RANBP9: variants seen among roughly 807,000 people sequenced by gnomAD.
RANBP9 encodes ran-binding protein 9.
Under a neutral mutation model 84.3 loss-of-function variants are expected in RANBP9, and 15 were observed. The ratio of observed to expected loss-of-function variants is 0.18; its 90% CI spans 0.12 to 0.27. The LOEUF (loss-of-function observed/expected upper bound fraction) is 0.27, where lower values mean the gene tolerates loss of function less well. Ranked by LOEUF, RANBP9 falls within the 10% of genes least tolerant of loss-of-function variation. The probability of loss-of-function intolerance (pLI) is 1.00; values close to 1 mark genes in which losing one functional copy is unlikely to be tolerated. For synonymous variants in RANBP9, 392 were observed against 349.6 expected, an observed-to-expected ratio of 1.12 and a Z score of -1.35; for missense variants, 809 against 912.8, an observed-to-expected ratio of 0.89 and a Z score of 1.46.
intron 2 of RANBP9, among the ~76,000 whole-genome samples, chr6:13,679,112 T>A (rs1241841734): frequency 1.3e-5 from 2 of 152,128 alleles, no homozygotes; most frequent in Non-Finnish European, 2.9e-5. Context: ...CAGCTACTTA[T>A]CTCTCTCTAC....
chr6:13,648,124 G>T (rs1314749870), intron 5 of RANBP9, among the ~76,000 whole-genome samples: 2 of 138,148 alleles, frequency 1.4e-5, no homozygotes, highest in Non-Finnish European at 3.1e-5. Flanking sequence ...AACAAAATAT[G>T]TGATCTTATA....
intron 2 of RANBP9, among the ~76,000 whole-genome samples, chr6:13,665,261 A>C (rs1354393541): frequency 1.3e-5 from 2 of 152,194 alleles, no homozygotes; most frequent in Non-Finnish European, 2.9e-5. Context: ...CTCATAAATA[A>C]AACTTTAGCA....
chr6:13,705,406 CAAAAAAAAAAAAAAAAA>C (rs774239782), intron 1 of RANBP9, among the ~76,000 whole-genome samples: 4 of 26,758 alleles, frequency 1.5e-4, no homozygotes, highest in South Asian at 2.1e-3. Flanking sequence ...GATTCTGTCT[CAAAAAAAAAAAAAAAAA>C]AAAAAAAAAA....
rs148862007 is a variant in RANBP9 at position 13,697,501 on chromosome 6, G to C, written c.572-605C>G. On this transcript the variant is annotated intron_variant, in intron 1 of 13. Coordinates refer to ENST00000011619, the MANE Select transcript of RANBP9 (RefSeq NM_005493.3). The stretch of plus-strand genomic sequence containing the variant: ...TGAGAAATACATCTAATTTCTAAAC[G>C]TATTTTTTTCTTTTTAAACAACAGA... 2.0e-5 allele frequency among the ~76,000 whole-genome samples: 3 copies of C among 152,110 alleles called. No individual in the cohort carries two copies. The South Asian group carries it at 6.2e-4, about 32-fold the overall frequency.
intron 2 of RANBP9, among the ~76,000 whole-genome samples, chr6:13,682,853 ACT>A (rs1232150604): frequency 6.6e-5 from 10 of 152,292 alleles, no homozygotes; most frequent in South Asian, 6.2e-4. Flanking sequence ...TGATTTGGAA[ACT>A]CTGCAACTCA....
chr6:13,639,961 C>G (rs577353293), intron 8 of RANBP9, among the ~76,000 whole-genome samples: 1 of 152,044 alleles, frequency 6.6e-6, no homozygotes, highest in South Asian at 2.1e-4. Flanking sequence ...GTAATAGACA[C>G]TATAATAATA....
At chr6:13,649,665 C>T (rs1367116435) in intron 5 of RANBP9, among the ~76,000 whole-genome samples, 1 of 152,132 alleles carries the variant, frequency 6.6e-6, no homozygotes, top group Non-Finnish European at 1.5e-5. Flanking sequence ...TTCTATGCGA[C>T]ACCGACATTT....
intron 1 of RANBP9, among the ~76,000 whole-genome samples, chr6:13,705,009 T>C (rs1208068871): frequency 1.3e-5 from 2 of 152,144 alleles, no homozygotes; most frequent in African/African-American, 2.4e-5. Flanking sequence ...CACCTCTGAG[T>C]GTCCAGAACC....
At position 13,633,336 on chromosome 6, in the gene RANBP9, G is replaced by A. The variant is rs968198392; in HGVS notation, c.1796-815C>T. Among the ~76,000 whole-genome samples, 6 of 152,172 alleles carry A rather than the reference G, an allele frequency of 3.9e-5. 1 individual carries two copies. The highest frequency in any genetic ancestry group is 1.4e-4 in the African/African-American group (6 of 41,426). On this transcript the variant is annotated intron_variant, in intron 11 of 13. Transcript: ENST00000011619. ...GGCGTGAGCCACCATGCCCAGCTAAGAAAATAGTTTTATATATCTTGATTG... is the reference window on the plus strand; with the variant it reads ...GGCGTGAGCCACCATGCCCAGCTAAAAAAATAGTTTTATATATCTTGATTG...
At chr6:13,700,220 C>T (rs1248062897) in intron 1 of RANBP9, among the ~76,000 whole-genome samples, 5 of 152,190 alleles carry the variant, frequency 3.3e-5, no homozygotes, top group African/African-American at 1.2e-4. Context: ...CTTCCAGTCG[C>T]CAACATGCAG....
chr6:13,677,668 A>G (rs896330946), intron 2 of RANBP9, among the ~76,000 whole-genome samples: 1 of 152,224 alleles, frequency 6.6e-6, no homozygotes, highest in Non-Finnish European at 1.5e-5. Context: ...CCAATCTTAA[A>G]CATTTAAGCT....
chr6:13,686,267 G>C (rs1766183209), intron 2 of RANBP9, among the ~76,000 whole-genome samples: 1 of 151,254 alleles, frequency 6.6e-6, no homozygotes, highest in African/African-American at 2.4e-5. Context: ...ACTACACCCG[G>C]CTAATTTTAT....
chr6:13,631,110 A>C (rs1452488934), intron 12 of RANBP9, among the ~76,000 whole-genome samples: 5 of 152,116 alleles, frequency 3.3e-5, no homozygotes, highest in Non-Finnish European at 5.9e-5. Flanking sequence ...GCCCGGCCTG[A>C]TTTGACTTTT....
chr6:13,641,930 G>A (rs1203305377), intron 7 of RANBP9, among the ~76,000 whole-genome samples: 1 of 152,034 alleles, frequency 6.6e-6, no homozygotes, highest in Non-Finnish European at 1.5e-5. Context: ...CTATACTCTT[G>A]TCAAGTCATA....
chr6:13,664,956 A>G (rs942087899), intron 2 of RANBP9, among the ~76,000 whole-genome samples: 2 of 152,136 alleles, frequency 1.3e-5, no homozygotes, highest in African/African-American at 4.8e-5. Context: ...TAACAAAGAG[A>G]CCCACATTTA....
intron 2 of RANBP9, among the ~76,000 whole-genome samples, chr6:13,663,957 G>A (rs149957426): frequency 0.014 from 2,124 of 151,994 alleles, 50 homozygotes; most frequent in African/African-American, 0.048. Flanking sequence ...TATTCTCCAA[G>A]GACCAACAAA....
chr6:13,708,352 G>A (rs896151917), intron 1 of RANBP9, among the ~76,000 whole-genome samples: 1 of 152,152 alleles, frequency 6.6e-6, no homozygotes, highest in African/African-American at 2.4e-5. Context: ...CTTGAGCCTA[G>A]GAGGTCTAGA....
intron 6 of RANBP9, among the ~76,000 whole-genome samples, 192 bp from the exon 7 acceptor site, chr6:13,642,783 G>A (rs1270130335): frequency 1.3e-5 from 2 of 151,980 alleles, no homozygotes; most frequent in South Asian, 2.1e-4. Flanking sequence ...TACTATTTTC[G>A]AAAAGATAAC....
At chr6:13,649,561 C>A (rs896442947) in intron 5 of RANBP9, among the ~76,000 whole-genome samples, 1 of 151,894 alleles carries the variant, frequency 6.6e-6, no homozygotes, top group Non-Finnish European at 1.5e-5. Context: ...ACCAAATCAA[C>A]CCACTAACCA....
Sources: allele counts gnomAD v4.1 joint callset (sites outside exome capture counted in the v4.1 genomes callset), GRCh38; gene constraint gnomAD v4.1.1; transcripts MANE v1.5; gene names NCBI Gene and HGNC (gene_info 2026-07-23, HGNC 2026-07-21).